Variants in SIPA1L3 observed in about 807,000 individuals in gnomAD.
The protein encoded by SIPA1L3 is signal-induced proliferation-associated 1-like protein 3.
A neutral mutation model predicts 150.1 loss-of-function variants in SIPA1L3; 59 were observed. That is an observed-to-expected ratio of 0.39 (90% CI 0.32 to 0.49). The LOEUF (loss-of-function observed/expected upper bound fraction) is 0.49. Ranked by LOEUF, SIPA1L3 falls within the 20% of genes least tolerant of loss-of-function variation. SIPA1L3 has a pLI of 0.86. For missense variants in SIPA1L3, 2,211 were observed against 2,489.5 expected (o/e 0.89, Z 2.38); for synonymous variants, 1,070 against 1,077.6 (o/e 0.99, Z 0.14).
chr19:38,102,143 T>C (rs1265942063), intron 6 of SIPA1L3, among the ~76,000 whole-genome samples: 2 of 150,882 alleles, frequency 1.3e-5, no homozygotes, highest in Non-Finnish European at 3.0e-5. Context: ...GCCTCCTAGG[T>C]TCAAGGAGTT....
At chr19:38,204,680 G>T (rs1290769038) in intron 21 of SIPA1L3, among the ~76,000 whole-genome samples, 1 of 152,120 alleles carries the variant, frequency 6.6e-6, no homozygotes, top group Non-Finnish European at 1.5e-5. Flanking sequence ...CAAGAGAATC[G>T]CTTGAACCCA....
chr19:38,061,312 C>T (rs1196021028), intron 2 of SIPA1L3, among the ~76,000 whole-genome samples: 3 of 152,026 alleles, frequency 2.0e-5, no homozygotes, highest in Admixed American at 6.6e-5. Flanking sequence ...CATCCGCCTG[C>T]CTCGACCTCC....
At chr19:37,979,487 G>T (rs1010750228) in intron 1 of SIPA1L3, among the ~76,000 whole-genome samples, 8 of 151,780 alleles carry the variant, frequency 5.3e-5, no homozygotes, top group African/African-American at 1.9e-4. Flanking sequence ...AGCCCGGGAG[G>T]CGGAGGTTGC....
chr19:37,938,623 TC>T (rs1289892137), intron 1 of SIPA1L3, among the ~76,000 whole-genome samples: 12 of 150,688 alleles, frequency 8.0e-5, no homozygotes, highest in Admixed American at 3.3e-4. Flanking sequence ...TTTTCTTTTT[TC>T]TTTTTTTTTT....
At chr19:38,107,214 A>G (rs1280638902) in intron 7 of SIPA1L3, among the ~76,000 whole-genome samples, 1 of 152,100 alleles carries the variant, frequency 6.6e-6, no homozygotes, top group Non-Finnish European at 1.5e-5. Context: ...TGTTTTTTCC[A>G]GTTGTCCCAG....
Position 38,208,357 on chromosome 19 carries a change from G to T in SIPA1L3, c.*2117G>T, listed in dbSNP as rs3195803. On this transcript the variant is annotated 3_prime_UTR_variant, in exon 22 of 22. Transcript: ENST00000222345. ...TTCTGGAGGTTTCAAAGGAAATAAA[G>T]GTTTCATAGAAATGGCTTGTGTGTT... 0.77 allele frequency: 116,692 copies of T among 151,920 alleles called. 45,056 individuals carry two copies. Among genetic ancestry groups the T allele is most frequent in the East Asian group, 0.91 (4,677 of 5,164 alleles). 9.4% of individuals were successfully genotyped at this position (151,920 alleles called of 1,614,324 possible).
chr19:38,120,436 C>T (rs572783488), intron 9 of SIPA1L3, among the ~76,000 whole-genome samples: 2 of 152,158 alleles, frequency 1.3e-5, no homozygotes, highest in South Asian at 4.1e-4. Context: ...GACGCCACTG[C>T]ACTTCAGCCT....
In SIPA1L3 at chr19:38,099,975, G is replaced by A. The variant is rs1240928967; in HGVS notation, c.1679G>A (p.Arg560Gln). 8.7e-6 allele frequency: 14 copies of A among 1,605,284 alleles called. No individual in the cohort carries two copies. In the Admixed American group the frequency reaches 2.1e-4, roughly 24 times the overall value. Residue 560 changes from arginine (R) to glutamine (Q), a missense_variant, in exon 5 of 22, where the codon CGG becomes CAG. By Grantham distance (43) the Arg-to-Gln change is conservative. Transcript: ENST00000222345. ...IFRTRELITL[R>Q]GSILEDATPT... ...TCCCTTGAGTAGCTCATCACCCTGC[G>A]GGGCTCCATCCTGGAAGATGCTACG...
chr19:38,134,535 C>T (rs1447755886), intron 10 of SIPA1L3, among the ~76,000 whole-genome samples: 4 of 150,504 alleles, frequency 2.7e-5, no homozygotes, highest in South Asian at 4.2e-4. Context: ...GGTGAAACCC[C>T]GTCTCTACTA....
chr19:37,967,255 C>T (rs971897299), intron 1 of SIPA1L3, among the ~76,000 whole-genome samples: 8 of 150,942 alleles, frequency 5.3e-5, no homozygotes, highest in Non-Finnish European at 1.0e-4. Flanking sequence ...TTCCCCCCCA[C>T]CCTTTTTTTT....
intron 2 of SIPA1L3, among the ~76,000 whole-genome samples, chr19:38,044,781 C>T (rs1183507428): frequency 6.6e-6 from 1 of 152,038 alleles, no homozygotes; most frequent in African/African-American, 2.4e-5. Flanking sequence ...GTTCTATGGA[C>T]CTGGGCTCCT....
At chr19:37,951,893 C>CAAAAAAAAA in intron 1 of SIPA1L3, among the ~76,000 whole-genome samples, 1 of 83,896 alleles carries the variant, frequency 1.2e-5, no homozygotes. Flanking sequence ...AAGACTGTCT[C>CAAAAAAAAA]AAAAAAAAAA....
intron 4 of SIPA1L3, among the ~76,000 whole-genome samples, chr19:38,092,852 AT>A (rs56232582): frequency 0.32 from 36,492 of 115,832 alleles, 5,694 homozygotes; most frequent in East Asian, 0.58. Flanking sequence ...AGGTGCTTAG[AT>A]TTTTTTTTTT....
intron 1 of SIPA1L3, among the ~76,000 whole-genome samples, chr19:37,924,172 T>A (rs62112283): frequency 5.5e-4 from 84 of 152,278 alleles, no homozygotes; most frequent in Non-Finnish European, 1.2e-3. Context: ...TTTTTCTATT[T>A]TTAAATTTAA....
intron 1 of SIPA1L3, among the ~76,000 whole-genome samples, chr19:37,925,667 C>T (rs921325668): frequency 2.8e-5 from 4 of 143,894 alleles, no homozygotes; most frequent in Non-Finnish European, 4.5e-5. Flanking sequence ...AATCTTGGCT[C>T]GCTGCAAGCT....
chr19:38,152,176 A>T (rs1971839466), intron 12 of SIPA1L3, among the ~76,000 whole-genome samples: 1 of 152,152 alleles, frequency 6.6e-6, no homozygotes, highest in African/African-American at 2.4e-5. Context: ...GTGGTAGAAC[A>T]CACAGAGTTC....
chr19:38,150,277 A>G (rs985208164), intron 12 of SIPA1L3, among the ~76,000 whole-genome samples: 1 of 151,982 alleles, frequency 6.6e-6, no homozygotes, highest in Admixed American at 6.6e-5. Flanking sequence ...AGTGGAGTTG[A>G]GTTTTCAGAG....
At chr19:37,961,889 A>G (rs2145574821) in intron 1 of SIPA1L3, among the ~76,000 whole-genome samples, 1 of 152,064 alleles carries the variant, frequency 6.6e-6, no homozygotes, top group African/African-American at 2.4e-5. Flanking sequence ...TTCTTTTCAA[A>G]TCTGCCGTTG....
In SIPA1L3 at chr19:38,082,497, A is replaced by AG. The variant is rs1970018992; in HGVS notation, c.937dup (p.Glu313GlyfsTer106). 6.3e-7 allele frequency: 1 copy of AG among 1,595,094 alleles called. No homozygotes were observed. On this transcript the variant is annotated frameshift_variant, in exon 3 of 22. Coordinates refer to ENST00000222345, the MANE Select transcript of SIPA1L3 (RefSeq NM_015073.3). LOFTEE classifies it high-confidence loss of function. The stretch of plus-strand genomic sequence containing the variant: ...CGGAAGCTAAGGAGCAGCAAACCCG[A>AG]GGGGGAGGCTGGGCGTTCCCCGGGG...
Sources: gnomAD v4.1 joint callset for allele counts (sites outside exome capture counted in the v4.1 genomes callset) on GRCh38, gnomAD v4.1.1 for gene constraint, MANE v1.5 for transcripts, NCBI Gene and HGNC (gene_info 2026-07-23, HGNC 2026-07-21) for gene names.